Variants in THRB observed in about 807,000 individuals in gnomAD.
THRB encodes thyroid hormone receptor beta.
A neutral mutation model predicts 47.8 loss-of-function variants in THRB; 12 were observed. That is an observed-to-expected ratio of 0.25 (90% CI 0.16 to 0.41). The LOEUF is 0.41. Ranked by LOEUF, THRB falls within the 10% of genes least tolerant of loss-of-function variation. THRB has a pLI of 1.00. For synonymous variants in THRB, 218 were observed against 212.2 expected (o/e 1.03, Z -0.24); for missense variants, 348 against 589.2 (o/e 0.59, Z 4.24).
chr3:24,126,915 G>C (rs1041403530), intron 10 of THRB, among the ~76,000 whole-genome samples: 1 of 152,168 alleles, frequency 6.6e-6, no homozygotes, highest in South Asian at 2.1e-4. Flanking sequence ...CTTTCTCTTG[G>C]AAATCAACAG....
intron 4 of THRB, among the ~76,000 whole-genome samples, chr3:24,219,256 C>T (rs897425216): frequency 6.6e-6 from 1 of 152,138 alleles, no homozygotes; most frequent in Non-Finnish European, 1.5e-5. Flanking sequence ...AAGCTGTGAT[C>T]ACACCACTGC....
chr3:24,275,457 G>C (rs1433932176), intron 3 of THRB, among the ~76,000 whole-genome samples: 4 of 152,120 alleles, frequency 2.6e-5, no homozygotes, highest in South Asian at 2.1e-4. Context: ...AGGCACCTTT[G>C]TGGCTAATGT....
At chr3:24,251,294 C>A (rs2050642265) in intron 3 of THRB, among the ~76,000 whole-genome samples, 2 of 151,766 alleles carry the variant, frequency 1.3e-5, no homozygotes, top group South Asian at 4.2e-4. Flanking sequence ...AGAAAAAGAA[C>A]CACAGATAAA....
chr3:24,280,456 C>T, intron 3 of THRB, among the ~76,000 whole-genome samples: 1 of 152,036 alleles, frequency 6.6e-6, no homozygotes, highest in South Asian at 2.1e-4. Flanking sequence ...TCATCAAAGA[C>T]CAAAAGTAGG....
chr3:24,228,878 T>C, intron 4 of THRB, 60 bp downstream of exon 4: 1 of 1,473,566 alleles, frequency 6.8e-7, no homozygotes, highest in Non-Finnish European at 9.4e-7. Context: ...AATCTATAAT[T>C]TCACTCTAGG....
In THRB at chr3:24,229,243, G is replaced by T. The variant is rs1965854; in HGVS notation, c.-42-242C>A. On this transcript the variant is annotated intron_variant, in intron 3 of 10. Transcript: ENST00000646209. ...TTTAAAAATAAATTTTTTATCAAGC[G>T]CACATTTTTCCATCTCAGATTTTTA... 0.52 allele frequency among the ~76,000 whole-genome samples: 78,573 copies of T among 151,740 alleles called. 20,862 individuals carry two copies. The highest frequency in any genetic ancestry group is 0.65 in the East Asian group (3,336 of 5,150).
intron 4 of THRB, 90 bp downstream of exon 4, chr3:24,228,848 C>T (rs2047960738): frequency 1.6e-6 from 2 of 1,262,554 alleles, no homozygotes; most frequent in South Asian, 1.3e-5. Flanking sequence ...GTTGCTAAAA[C>T]TCGCAAGTTA....
chr3:24,441,195 T>A (rs1217174543), intron 1 of THRB, among the ~76,000 whole-genome samples: 1 of 152,192 alleles, frequency 6.6e-6, no homozygotes, highest in African/African-American at 2.4e-5. Context: ...AATTTGCTCC[T>A]CAAGGCCAGT....
intron 4 of THRB, among the ~76,000 whole-genome samples, chr3:24,195,679 C>T (rs2043866380): frequency 6.6e-6 from 1 of 152,236 alleles, no homozygotes; most frequent in Non-Finnish European, 1.5e-5. Context: ...GAGCCTCCCT[C>T]TGGCTGAGCT....
upstream of THRB, chr3:24,495,702 G>A (rs536058933): frequency 3.5e-3 from 533 of 152,342 alleles, 11 homozygotes; most frequent in Middle Eastern, 3.4e-3. Context: ...GGCCTTCTTT[G>A]CCCGGCCCGA....
At chr3:24,349,741 CA>C (rs1271843019) in intron 1 of THRB, among the ~76,000 whole-genome samples, 15 of 152,010 alleles carry the variant, frequency 9.9e-5, no homozygotes, top group African/African-American at 3.6e-4. Context: ...ACGAAATCCT[CA>C]GAAAGATAAC....
At chr3:24,324,177 T>C (rs1303676116) in intron 2 of THRB, among the ~76,000 whole-genome samples, 1 of 152,132 alleles carries the variant, frequency 6.6e-6, no homozygotes. Flanking sequence ...ACACCGCACA[T>C]CTCAGTTTCT....
In THRB at chr3:24,127,876, C is replaced by T. The variant is rs532070424; in HGVS notation, c.886-119G>A. 26 of 1,191,484 alleles carry T rather than the reference C, an allele frequency of 2.2e-5. No homozygotes were observed. In the South Asian group the frequency reaches 3.0e-4, roughly 14 times the overall value. The allele number at this position is 1,191,484 out of a possible 1,614,324, so 73.8% of individuals were successfully genotyped here. On this transcript the variant is annotated intron_variant, in intron 9 of 10. Coordinates refer to ENST00000646209, the MANE Select transcript of THRB (RefSeq NM_001354712.2). Reference sequence around the variant, plus strand: ...CTGTGATTAACATTTGTCCTGCATTCTTTGAGCCCATGGTTTTCCCTTCCC... The same window carrying T: ...CTGTGATTAACATTTGTCCTGCATTTTTTGAGCCCATGGTTTTCCCTTCCC...
chr3:24,339,023 A>G (rs939256494), intron 1 of THRB, among the ~76,000 whole-genome samples: 2 of 152,218 alleles, frequency 1.3e-5, no homozygotes, highest in Non-Finnish European at 2.9e-5. Context: ...GACTACATTA[A>G]CAAAGCCAGG....
chr3:24,483,168 C>G (rs1226772284), intron 1 of THRB, among the ~76,000 whole-genome samples: 2 of 152,018 alleles, frequency 1.3e-5, no homozygotes, highest in Non-Finnish European at 2.9e-5. Flanking sequence ...TTTTATTATT[C>G]ATGTCCCTTA....
At position 24,190,247 on chromosome 3, in the gene THRB, A is replaced by G. The variant is rs1157945635; in HGVS notation, c.110T>C (p.Leu37Pro). ...WKLVGMSEAC[L>P]HRKSHSERRS... is the part of the protein sequence containing the mutation. ...CCTCTCTGAATGGCTCTTCCTATGT[A>G]GGCAGGCTTCAGACATTCCTACTAG... Residue 37 changes from leucine (L) to proline (P), a missense_variant, in exon 5 of 11, where the codon CTA becomes CCA. Coordinates refer to ENST00000646209, the MANE Select transcript of THRB (RefSeq NM_001354712.2). The G allele has an allele frequency of 1.9e-6, 3 of 1,614,048 alleles. No homozygotes were observed. The highest frequency in any genetic ancestry group is 2.5e-6 in the Non-Finnish European group (3 of 1,179,948).
At chr3:24,362,859 T>C (rs2064173277) in intron 1 of THRB, among the ~76,000 whole-genome samples, 1 of 152,140 alleles carries the variant, frequency 6.6e-6, no homozygotes, top group Non-Finnish European at 1.5e-5. Context: ...TCAAGACATG[T>C]ATAATAACAT....
chr3:24,275,431 G>A (rs1367551176), intron 3 of THRB, among the ~76,000 whole-genome samples: 2 of 152,122 alleles, frequency 1.3e-5, no homozygotes, highest in Non-Finnish European at 2.9e-5. Flanking sequence ...CTGCTTTGAG[G>A]GGCCAGCCTA....
chr3:24,198,148 TTTA>T (rs1294498445), intron 4 of THRB, among the ~76,000 whole-genome samples: 2 of 152,208 alleles, frequency 1.3e-5, no homozygotes, highest in East Asian at 3.9e-4. Flanking sequence ...CTCGCTTCCA[TTTA>T]TGTAGGTCTC....
Sources: allele counts gnomAD v4.1 joint callset (sites outside exome capture counted in the v4.1 genomes callset), GRCh38; gene constraint gnomAD v4.1.1; transcripts MANE v1.5; gene names NCBI Gene and HGNC (gene_info 2026-07-23, HGNC 2026-07-21).